Variants in POLA1 observed in about 807,000 individuals in gnomAD.
POLA1 encodes DNA polymerase alpha 1, catalytic subunit, also known as DNA polymerase alpha catalytic subunit.
In POLA1, 15 loss-of-function variants were observed where a neutral mutation model predicts 124.0. The observed-to-expected ratio is 0.12, with a 90% CI of 0.08 to 0.19. The LOEUF (loss-of-function observed/expected upper bound fraction) is 0.19. Ranked by LOEUF, POLA1 falls within the 10% of genes least tolerant of loss-of-function variation. POLA1 has a pLI of 1.00. For synonymous variants in POLA1, 408 were observed against 389.4 expected (o/e 1.05, Z -0.56); for missense variants, 886 against 1,103.4 (o/e 0.80, Z 2.79).
At chrX:24,928,259 G>A (rs1331364617) in intron 35 of POLA1, among the ~76,000 whole-genome samples, 1 of 111,360 alleles carries the variant, frequency 9.0e-6, no homozygotes, top group East Asian at 2.8e-4. Flanking sequence ...ACTAAACTCC[G>A]TGGCTGACGC....
intron 36 of POLA1, among the ~76,000 whole-genome samples, chrX:24,994,599 G>A (rs933924485): frequency 8.9e-6 from 1 of 112,010 alleles, no homozygotes; most frequent in East Asian, 2.8e-4. Flanking sequence ...GAGTAGTGAT[G>A]TAGTGGCAGG....
intron 26 of POLA1, among the ~76,000 whole-genome samples, chrX:24,764,726 T>A (rs760180131): frequency 8.9e-6 from 1 of 111,856 alleles, no homozygotes; most frequent in South Asian, 3.8e-4. Context: ...TCCTGTCACT[T>A]TCTTCTCATT....
At chrX:24,737,961 C>A (rs1425835358) in intron 19 of POLA1, among the ~76,000 whole-genome samples, 2 of 99,506 alleles carry the variant, frequency 2.0e-5, no homozygotes, top group Non-Finnish European at 3.8e-5. Flanking sequence ...AGCCTGTAAT[C>A]CCAGCACTTT....
intron 35 of POLA1, among the ~76,000 whole-genome samples, chrX:24,921,859 C>T (rs928580364): frequency 7.1e-5 from 7 of 99,248 alleles, no homozygotes; most frequent in African/African-American, 3.0e-4. Flanking sequence ...TATTTGAAAG[C>T]TGACCAAACA....
At chrX:24,762,824 G>T (rs1026932395) in intron 26 of POLA1, among the ~76,000 whole-genome samples, 1 of 110,161 alleles carries the variant, frequency 9.1e-6, no homozygotes, top group Non-Finnish European at 1.9e-5. Context: ...TACAATCTCT[G>T]CCTCCCGGGT....
chrX:24,855,820 C>A (rs1388984922), intron 34 of POLA1, among the ~76,000 whole-genome samples: 1 of 110,627 alleles, frequency 9.0e-6, no homozygotes, highest in African/African-American at 3.3e-5. Context: ...CACACTTGAC[C>A]CCGCAGAATC....
At chrX:24,930,577 G>C (rs756891910) in intron 36 of POLA1, 28 bp downstream of exon 36, 3 of 941,464 alleles carry the variant, frequency 3.2e-6, no homozygotes, top group Non-Finnish European at 3.1e-6. Context: ...AATTACCTTT[G>C]AGTTTAAAGT....
chrX:24,992,435 C>T (rs968411869), intron 36 of POLA1, among the ~76,000 whole-genome samples: 2 of 112,214 alleles, frequency 1.8e-5, no homozygotes, highest in Non-Finnish European at 3.8e-5. Context: ...TAAATTGACA[C>T]ACCTCTACAC....
At chrX:24,728,916 C>G (rs376471741) in intron 15 of POLA1, among the ~76,000 whole-genome samples, 19 of 112,199 alleles carry the variant, frequency 1.7e-4, no homozygotes, top group African/African-American at 5.2e-4. Flanking sequence ...CTTCATATTT[C>G]CGCATACTAT....
At chrX:24,787,551 C>G (rs2045390575) in intron 26 of POLA1, among the ~76,000 whole-genome samples, 1 of 111,680 alleles carries the variant, frequency 9.0e-6, no homozygotes, top group Admixed American at 9.5e-5. Flanking sequence ...TCTGGGTTCT[C>G]TATTCTGTTC....
intron 31 of POLA1, among the ~76,000 whole-genome samples, chrX:24,821,839 T>G (rs957582988): frequency 8.9e-6 from 1 of 112,391 alleles, no homozygotes; most frequent in Non-Finnish European, 1.9e-5. Context: ...TTTCGCCATA[T>G]GTTCAGCAGT....
intron 10 of POLA1, among the ~76,000 whole-genome samples, chrX:24,720,452 A>G (rs1390214041): frequency 5.3e-5 from 6 of 112,390 alleles, no homozygotes; most frequent in Non-Finnish European, 1.9e-5. Context: ...AATAAACTGC[A>G]CAGTGACTGA....
chrX:24,774,886 A>G lies in POLA1; in HGVS notation c.2964+25894A>G, dbSNP rs1347349413. Among the ~76,000 whole-genome samples the G allele has an allele frequency of 2.7e-5, 3 of 112,165 alleles. No individual in the cohort carries two copies. In the East Asian group the frequency reaches 8.4e-4, roughly 31 times the overall value. On this transcript the variant is annotated intron_variant, in intron 26 of 36. Transcript: ENST00000379068. ...TGTCAAGGGTTTATGGGAGTTAGTG[A>G]CACGTAGTATACAAGGTTCTTTGAG...
chrX:24,810,764 C>T lies in POLA1; in HGVS notation c.3054C>T (p.Ser1018=). The T allele has an allele frequency of 9.2e-7, 1 of 1,089,680 alleles. No homozygotes were observed. The highest frequency in any genetic ancestry group is 3.1e-5 in the East Asian group (1 of 32,587). The allele number at this position is 1,089,680 out of a possible 1,213,427, so 89.8% of individuals were successfully genotyped here. A position where few individuals can be genotyped will look rare whatever the true frequency, so the allele number is the denominator to read the frequency against. The change falls in exon 28 of 37, where the codon AGC becomes AGT. Residue 1018 remains serine (S), a synonymous_variant. Coordinates refer to ENST00000379068, the MANE Select transcript of POLA1 (RefSeq NM_001330360.2). Reference sequence around the variant, plus strand: ...ATTCAATTATGATAAACACCAATAGCACCAATCTGGAAGAAGTATTTAAGT... The same window carrying T: ...ATTCAATTATGATAAACACCAATAGTACCAATCTGGAAGAAGTATTTAAGT... ...DTDSIMINTN[S]TNLEEVFKLG... is the part of the protein sequence containing the mutation.
rs2047294806 is a variant in POLA1, at chrX:24,902,384, A to T, written c.4164+14262A>T. 3.6e-5 allele frequency among the ~76,000 whole-genome samples: 4 copies of T among 112,013 alleles called. No individual in the cohort carries two copies. In the Admixed American group the frequency reaches 3.8e-4, roughly 11 times the overall value. ...TACTCTTTCTCTACATAATCTATTTAGAAGATGCTCCAGTGTTATGAAAAC... is the reference window on the plus strand; with the variant it reads ...TACTCTTTCTCTACATAATCTATTTTGAAGATGCTCCAGTGTTATGAAAAC... On this transcript the variant is annotated intron_variant, in intron 35 of 36. Coordinates refer to ENST00000379068, the MANE Select transcript of POLA1 (RefSeq NM_001330360.2).
intron 26 of POLA1, among the ~76,000 whole-genome samples, chrX:24,800,156 C>T (rs186085406): frequency 8.9e-6 from 1 of 111,747 alleles, no homozygotes; most frequent in East Asian, 2.8e-4. Flanking sequence ...AAGCAAGGGG[C>T]AAGGACCTTT....
intron 26 of POLA1, among the ~76,000 whole-genome samples, chrX:24,792,998 T>C (rs1242880735): frequency 9.0e-6 from 1 of 110,699 alleles, no homozygotes; most frequent in East Asian, 2.8e-4. Flanking sequence ...TATTTACAAG[T>C]CTTAAAAGCC....
intron 36 of POLA1, among the ~76,000 whole-genome samples, chrX:24,961,040 T>C (rs1486984189): frequency 2.7e-5 from 3 of 112,560 alleles, no homozygotes; most frequent in African/African-American, 9.7e-5. Context: ...AGGACACTTC[T>C]ACTTCCAGTG....
intron 30 of POLA1, among the ~76,000 whole-genome samples, chrX:24,820,839 G>GGAGT (rs1300807930): frequency 9.0e-6 from 1 of 110,912 alleles, no homozygotes; most frequent in Non-Finnish European, 1.9e-5. Flanking sequence ...TATTACAGAT[G>GGAGT]GAGTGAAATA....
Sources: allele counts gnomAD v4.1 joint callset (sites outside exome capture counted in the v4.1 genomes callset), GRCh38; gene constraint gnomAD v4.1.1; transcripts MANE v1.5; gene names NCBI Gene and HGNC (gene_info 2026-07-23, HGNC 2026-07-21).